The following GRK5 variants were observed in gnomAD, a reference collection of about 807,000 sequenced individuals.
The protein encoded by GRK5 is g protein-coupled receptor kinase GRK5.
In GRK5, 40 loss-of-function variants were observed where a neutral mutation model predicts 78.4. The observed-to-expected ratio is 0.51, with a 90% CI of 0.40 to 0.66. GRK5 has a LOEUF of 0.66. GRK5 is among the 30% of genes least tolerant of loss of function. The pLI is 0.00. For missense variants in GRK5, 598 were observed against 759.9 expected (o/e 0.79, Z 2.50); for synonymous variants, 289 against 296.8 (o/e 0.97, Z 0.27).
intron 1 of GRK5, among the ~76,000 whole-genome samples, chr10:119,265,758 A>G (rs935993267): frequency 6.6e-6 from 1 of 152,232 alleles, no homozygotes; most frequent in African/African-American, 2.4e-5. Context: ...GGGCGTATGC[A>G]TATTTCCAGG....
intron 1 of GRK5, among the ~76,000 whole-genome samples, chr10:119,280,296 C>T (rs533303503): frequency 2.6e-5 from 4 of 152,346 alleles, no homozygotes; most frequent in African/African-American, 7.2e-5. Flanking sequence ...AAGTTAGTGC[C>T]GTAACACACA....
chr10:119,268,621 C>T (rs192167307), intron 1 of GRK5, among the ~76,000 whole-genome samples: 97 of 152,248 alleles, frequency 6.4e-4, no homozygotes, highest in Non-Finnish European at 1.1e-3. Flanking sequence ...AAAATGGGTA[C>T]GATAATAGGG....
At chr10:119,319,812 G>T (rs762647017) in intron 1 of GRK5, among the ~76,000 whole-genome samples, 1 of 152,252 alleles carries the variant, frequency 6.6e-6, no homozygotes, top group Non-Finnish European at 1.5e-5. Context: ...AATAGGGTCA[G>T]TACCTCCTGA....
In GRK5 at chr10:119,423,190, G is replaced by A. The variant is rs55902633; in HGVS notation, c.364G>A (p.Gly122Ser). The change falls in exon 5 of 16, where the codon GGC (glycine) becomes AGC (serine). Residue 122 changes from glycine to serine, a missense_variant. Physicochemically the swap from Gly to Ser is moderately conservative, Grantham distance 56. Transcript: ENST00000392870. ...GTCCCCTGTTTTCATAGCCCAAGTT[G>A]GCCAAGACCTGGTCTCCCAGACGGA... ...PKSPVFIAQV[G>S]QDLVSQTEEK... 45 of 1,613,826 alleles carry A rather than the reference G, an allele frequency of 2.8e-5. No individual in the cohort carries two copies. In the East Asian group the frequency reaches 9.8e-4, roughly 35 times the overall value.
At chr10:119,335,398 C>G in intron 2 of GRK5, among the ~76,000 whole-genome samples, 1 of 152,074 alleles carries the variant, frequency 6.6e-6, no homozygotes, top group Non-Finnish European at 1.5e-5. Flanking sequence ...GAGTCTCACT[C>G]TGTCCCCCAG....
intron 1 of GRK5, among the ~76,000 whole-genome samples, chr10:119,276,020 T>C (rs1849664734): frequency 6.6e-6 from 1 of 152,198 alleles, no homozygotes; most frequent in Admixed American, 6.5e-5. Context: ...TCCTTCCTCC[T>C]CTGTTTGCCA....
intron 1 of GRK5, among the ~76,000 whole-genome samples, chr10:119,304,064 C>A (rs1420695260): frequency 6.6e-6 from 1 of 152,050 alleles, no homozygotes; most frequent in Non-Finnish European, 1.5e-5. Context: ...TGTGGTGTTA[C>A]CTGGTGCTGG....
intron 1 of GRK5, among the ~76,000 whole-genome samples, chr10:119,225,216 T>G (rs1367918526): frequency 6.6e-6 from 1 of 152,166 alleles, no homozygotes; most frequent in Non-Finnish European, 1.5e-5. Context: ...GAAGATTAAA[T>G]CAAAAGTCAA....
Position 119,403,519 on chromosome 10 carries a change from A to G in GRK5, c.339+6747A>G, listed in dbSNP as rs1047996780. Among the ~76,000 whole-genome samples, 3 of 152,258 alleles carry G rather than the reference A, an allele frequency of 2.0e-5. No individual in the cohort carries two copies. In the South Asian group the frequency reaches 6.2e-4, roughly 31 times the overall value. ...AAGATTCATCCACATTGTAACATGTATCAGCACTTCACTCCTTTTTATGGC... is the reference window on the plus strand; with the variant it reads ...AAGATTCATCCACATTGTAACATGTGTCAGCACTTCACTCCTTTTTATGGC... On this transcript the variant is annotated intron_variant, in intron 4 of 15. Coordinates refer to ENST00000392870, the MANE Select transcript of GRK5 (RefSeq NM_005308.3).
chr10:119,222,964 A>C (rs1848680334), intron 1 of GRK5, among the ~76,000 whole-genome samples: 1 of 152,142 alleles, frequency 6.6e-6, no homozygotes, highest in Non-Finnish European at 1.5e-5. Flanking sequence ...CAGCTCTGCA[A>C]CTCTAACACC....
chr10:119,214,508 C>T (rs1848538660), intron 1 of GRK5, among the ~76,000 whole-genome samples: 1 of 152,018 alleles, frequency 6.6e-6, no homozygotes, highest in African/African-American at 2.4e-5. Flanking sequence ...TTTTCTGGGG[C>T]ACTGAGGGGT....
At chr10:119,403,703 G>A (rs1298508053) in intron 4 of GRK5, among the ~76,000 whole-genome samples, 3 of 151,844 alleles carry the variant, frequency 2.0e-5, no homozygotes, top group East Asian at 1.9e-4. Context: ...GCGGGATCTC[G>A]GCTCACTGTA....
chr10:119,428,652 T>G (rs1471386185), intron 6 of GRK5, among the ~76,000 whole-genome samples: 1 of 152,160 alleles, frequency 6.6e-6, no homozygotes, highest in African/African-American at 2.4e-5. Flanking sequence ...TTGTCGGTGG[T>G]CACTGGCTTT....
chr10:119,216,268 T>A (rs117699652), intron 1 of GRK5, among the ~76,000 whole-genome samples: 2,989 of 152,300 alleles, frequency 0.02, 64 homozygotes, highest in South Asian at 0.058. Flanking sequence ...ATATCAAAAA[T>A]TTTTTTAAAA....
intron 4 of GRK5, among the ~76,000 whole-genome samples, chr10:119,399,345 T>G (rs1426159944): frequency 6.6e-6 from 1 of 152,214 alleles, no homozygotes; most frequent in African/African-American, 2.4e-5. Context: ...ACCTCTCACG[T>G]GCCCCAGTGC....
chr10:119,260,236 C>T (rs1849352519), intron 1 of GRK5, among the ~76,000 whole-genome samples: 1 of 152,088 alleles, frequency 6.6e-6, no homozygotes, highest in African/African-American at 2.4e-5. Context: ...CTCCTGACCT[C>T]GTGATCCACC....
At chr10:119,372,764 A>C (rs1851565547) in intron 2 of GRK5, among the ~76,000 whole-genome samples, 1 of 152,194 alleles carries the variant, frequency 6.6e-6, no homozygotes, top group Admixed American at 6.5e-5. Flanking sequence ...CTAAGAGTTA[A>C]AGGCTTCAAA....
At chr10:119,394,595 CTGTGTGTGGG>C (rs1851993487) in intron 3 of GRK5, among the ~76,000 whole-genome samples, 1 of 2,452 alleles carries the variant, frequency 4.1e-4, no homozygotes, top group Non-Finnish European at 9.5e-4. Flanking sequence ...GGGTGTGTGT[CTGTGTGTGGG>C]CACGTGTATG....
chr10:119,440,266 A>G (rs1260251317), intron 10 of GRK5, among the ~76,000 whole-genome samples: 9 of 152,148 alleles, frequency 5.9e-5, no homozygotes, highest in African/African-American at 2.2e-4. Context: ...TGTCTCAGGC[A>G]TTACGTTTGT....
Sources: allele counts gnomAD v4.1 joint callset (sites outside exome capture counted in the v4.1 genomes callset), GRCh38; gene constraint gnomAD v4.1.1; transcripts MANE v1.5; gene names NCBI Gene and HGNC (gene_info 2026-07-23, HGNC 2026-07-21).